Variants in CNNM1 observed in about 807,000 individuals in gnomAD.
The protein encoded by CNNM1 is cyclin and CBS domain divalent metal cation transport mediator 1, also known as metal transporter CNNM1.
In CNNM1, 44 loss-of-function variants were observed where a neutral mutation model predicts 78.8. The ratio of observed to expected loss-of-function variants is 0.56; its 90% CI spans 0.44 to 0.72. CNNM1 has a LOEUF of 0.72. Ranked by LOEUF, CNNM1 falls within the 30% of genes least tolerant of loss-of-function variation. CNNM1 has a pLI of 0.00. For synonymous variants in CNNM1, 584 were observed against 581.5 expected, an observed-to-expected ratio of 1.00 and a Z score of -0.06; for missense variants, 1,101 against 1,292.2, an observed-to-expected ratio of 0.85 and a Z score of 2.27.
intron 2 of CNNM1, among the ~76,000 whole-genome samples, chr10:99,360,184 G>A (rs530602785): frequency 2.4e-4 from 37 of 152,236 alleles, no homozygotes; most frequent in African/African-American, 8.9e-4. Flanking sequence ...TTCCCTCCCA[G>A]TGGAGGGACT....
chr10:99,362,500 C>G, intron 4 of CNNM1, 104 bp downstream of exon 4: 1 of 1,252,270 alleles, frequency 8.0e-7, no homozygotes. Flanking sequence ...ACTTGGCTGG[C>G]TGCCTCAGCA....
intron 1 of CNNM1, among the ~76,000 whole-genome samples, chr10:99,353,620 G>A (rs904347659): frequency 1.3e-5 from 2 of 152,142 alleles, no homozygotes; most frequent in African/African-American, 4.8e-5. Flanking sequence ...TCATGAGTGT[G>A]TGTGGTATGT....
rs531317936 is a variant in CNNM1 at position 99,391,730 on chromosome 10, G to A, written c.*214G>A. 4 of 526,668 alleles carry A rather than the reference G, an allele frequency of 7.6e-6. No homozygotes were observed. Among genetic ancestry groups the A allele is most frequent in the East Asian group, 6.5e-5 (2 of 30,926 alleles). 32.6% of individuals were successfully genotyped at this position (526,668 alleles called of 1,614,324 possible). ...CTTGACATGGCCATAACAGAAGGAG[G>A]TGCCTCTGATAGAACATGCTAGAAA... On this transcript the variant is annotated 3_prime_UTR_variant, in exon 11 of 11. Transcript: ENST00000356713.
intron 6 of CNNM1, among the ~76,000 whole-genome samples, chr10:99,367,906 C>G (rs1418047375): frequency 6.6e-6 from 1 of 152,194 alleles, no homozygotes; most frequent in Non-Finnish European, 1.5e-5. Context: ...TACCCGGGCC[C>G]CCCAGTGATA....
intron 1 of CNNM1, among the ~76,000 whole-genome samples, chr10:99,356,820 C>T (rs1387225044): frequency 1.3e-5 from 2 of 152,138 alleles, no homozygotes; most frequent in Admixed American, 6.5e-5. Context: ...TACATGTGGC[C>T]TCTCCACTAT....
Position 99,330,444 on chromosome 10 carries a change from G to A in CNNM1, c.1057G>A (p.Ala353Thr). Residue 353 changes from alanine (A) to threonine (T), a missense_variant, in exon 1 of 11, where the codon GCC (alanine) becomes ACC (threonine). By Grantham distance (58) the Ala-to-Thr change is moderately conservative. This residue lies in a region of CNNM1 where 277 missense variants were observed against 423.2 expected (regional missense o/e 0.65). Coordinates refer to ENST00000356713, the MANE Select transcript of CNNM1 (RefSeq NM_020348.3). ...CTCAGTGTGTTCGCGGCACGGGCTGGCCATCGCCTCGCACAGCGTGTGCCT... is the reference window on the plus strand; with the variant it reads ...CTCAGTGTGTTCGCGGCACGGGCTGACCATCGCCTCGCACAGCGTGTGCCT... ...PYSVCSRHGL[A>T]IASHSVCLTR... The A allele has an allele frequency of 6.3e-7, 1 of 1,590,362 alleles. No homozygotes were observed. Among genetic ancestry groups the A allele is most frequent in the Non-Finnish European group, 8.6e-7 (1 of 1,169,356 alleles).
At chr10:99,363,740 C>CTTTT (rs869281521) in intron 4 of CNNM1, among the ~76,000 whole-genome samples, 68 of 121,892 alleles carry the variant, frequency 5.6e-4, no homozygotes, top group Middle Eastern at 4.5e-3. Flanking sequence ...TAGATTTTAT[C>CTTTT]TTTTTTTTTT....
intron 1 of CNNM1, among the ~76,000 whole-genome samples, chr10:99,356,562 C>CAGACAGAAAGAAAGAAAAGAAAGAAAGAA: frequency 1.0e-5 from 1 of 98,538 alleles, no homozygotes; most frequent in Non-Finnish European, 2.1e-5. Flanking sequence ...GACAGACAGA[C>CAGACAGAAAGAAAGAAAAGAAAGAAAGAA]AGAAAGAAAG....
At chr10:99,333,750 G>A (rs1377682617) in intron 1 of CNNM1, among the ~76,000 whole-genome samples, 3 of 152,270 alleles carry the variant, frequency 2.0e-5, no homozygotes, top group East Asian at 3.9e-4. Context: ...GCAGTCTTTC[G>A]AAGCAGGAAT....
At chr10:99,344,931 C>G (rs555285613) in intron 1 of CNNM1, among the ~76,000 whole-genome samples, 1 of 152,180 alleles carries the variant, frequency 6.6e-6, no homozygotes, top group Non-Finnish European at 1.5e-5. Context: ...GCATGCCTTC[C>G]TGCAGCCTCC....
intron 1 of CNNM1, among the ~76,000 whole-genome samples, chr10:99,343,463 G>C (rs577191583): frequency 6.6e-6 from 1 of 152,222 alleles, no homozygotes; most frequent in African/African-American, 2.4e-5. Context: ...TAAATGTGAG[G>C]TCAGCAGTTT....
chr10:99,365,095 C>G, intron 6 of CNNM1, 93 bp downstream of exon 6: 1 of 1,320,580 alleles, frequency 7.6e-7, no homozygotes, highest in African/African-American at 1.4e-5. Context: ...TGAGCCTGGG[C>G]TGGGGCTAAG....
At chr10:99,387,550 C>G (rs1157172580) in intron 7 of CNNM1, among the ~76,000 whole-genome samples, 1 of 152,232 alleles carries the variant, frequency 6.6e-6, no homozygotes, top group Non-Finnish European at 1.5e-5. Flanking sequence ...AGAAGATGCC[C>G]TCCATCCTCT....
At position 99,330,971 on chromosome 10, in the gene CNNM1, G is replaced by A; in HGVS notation, c.1573+11G>A. ...AGGAGTTTAAGAAGGGTGAGCAGTAGTCTATCTTCTCCCCCAACTCCTATC... is the reference window on the plus strand; with the variant it reads ...AGGAGTTTAAGAAGGGTGAGCAGTAATCTATCTTCTCCCCCAACTCCTATC... On this transcript the variant is annotated intron_variant, in intron 1 of 10. Transcript: ENST00000356713. 1 of 1,598,524 alleles carries A rather than the reference G, an allele frequency of 6.3e-7. No individual in the cohort carries two copies. Among genetic ancestry groups the A allele is most frequent in the Non-Finnish European group, 8.5e-7 (1 of 1,173,098 alleles).
intron 6 of CNNM1, among the ~76,000 whole-genome samples, chr10:99,365,880 G>A (rs1221738067): frequency 6.6e-6 from 1 of 152,166 alleles, no homozygotes; most frequent in Non-Finnish European, 1.5e-5. Flanking sequence ...CCTGGAACAT[G>A]GCAAGGTAGA....
chr10:99,391,424 T>C lies in CNNM1; in HGVS notation c.2777-13T>C, dbSNP rs571947651. The C allele has an allele frequency of 3.2e-5, 51 of 1,610,988 alleles. No individual in the cohort carries two copies. In the East Asian group the frequency reaches 1.1e-3, roughly 35 times the overall value. ...AGTGTTACAGGCTGATACTTGCAACTTGTTTTTTTCAGGTGGCCAAAAAAG... is the reference window on the plus strand; with the variant it reads ...AGTGTTACAGGCTGATACTTGCAACCTGTTTTTTTCAGGTGGCCAAAAAAG... On this transcript the variant is annotated splice_polypyrimidine_tract_variant and intron_variant, in intron 10 of 10. Coordinates refer to ENST00000356713, the MANE Select transcript of CNNM1 (RefSeq NM_020348.3).
chr10:99,376,315 GCT>G (rs148662832), intron 6 of CNNM1, among the ~76,000 whole-genome samples: 4,050 of 152,300 alleles, frequency 0.027, 173 homozygotes, highest in African/African-American at 0.091. Flanking sequence ...TCCACCCACA[GCT>G]CTGTTTTCTG....
At chr10:99,380,785 G>A (rs1326082022) in intron 7 of CNNM1, among the ~76,000 whole-genome samples, 3 of 61,818 alleles carry the variant, frequency 4.9e-5, no homozygotes, top group African/African-American at 7.0e-5. Flanking sequence ...AGGGAGACTC[G>A]GCCTCAAAAA....
chr10:99,360,470 GATGAGT>G (rs1683382295), intron 2 of CNNM1, among the ~76,000 whole-genome samples: 1 of 152,168 alleles, frequency 6.6e-6, no homozygotes, highest in Non-Finnish European at 1.5e-5. Flanking sequence ...AATTGCACAA[GATGAGT>G]ATGAGAGCTA....
Sources: allele counts gnomAD v4.1 joint callset (sites outside exome capture counted in the v4.1 genomes callset), GRCh38; gene constraint gnomAD v4.1.1; regional missense constraint gnomAD v4.1.1; transcripts MANE v1.5; gene names NCBI Gene and HGNC (gene_info 2026-07-23, HGNC 2026-07-21).